TEX9: variants seen among roughly 807,000 people sequenced by gnomAD.
The protein encoded by TEX9 is testis-expressed protein 9.
TEX9 carries 74 observed loss-of-function variants against 59.6 expected under a neutral mutation model. The observed-to-expected ratio is 1.24, with a 90% CI of 1.03 to 1.51. The LOEUF (loss-of-function observed/expected upper bound fraction) is 1.51. TEX9 is among the 40% of genes most tolerant of loss of function. TEX9 has a pLI of 0.00. For missense variants in TEX9, 522 were observed against 447.8 expected (o/e 1.17, Z -1.49); for synonymous variants, 186 against 152.2 (o/e 1.22, Z -1.64).
chr15:56,325,440 A>C (rs1436010079), intron 1 of TEX9, among the ~76,000 whole-genome samples: 1 of 152,164 alleles, frequency 6.6e-6, no homozygotes, highest in Non-Finnish European at 1.5e-5. Flanking sequence ...CAAAGGCATT[A>C]GCAAAACACT....
intron 1 of TEX9, among the ~76,000 whole-genome samples, chr15:56,326,478 C>T (rs1471572570): frequency 1.3e-5 from 2 of 152,082 alleles, no homozygotes; most frequent in Non-Finnish European, 2.9e-5. Flanking sequence ...CCACGTTTTA[C>T]ATAAATAATC....
chr15:56,456,983 C>T, the TEX9 span, among the ~76,000 whole-genome samples: 3 of 152,144 alleles, frequency 2.0e-5, no homozygotes, highest in Non-Finnish European at 4.4e-5. Context: ...TCCTTAATGT[C>T]TAATACCATG....
chr15:56,339,401 A>ACAAAC (rs549851373), intron 1 of TEX9, among the ~76,000 whole-genome samples: 5 of 124,244 alleles, frequency 4.0e-5, no homozygotes, highest in Admixed American at 8.7e-5. Context: ...AAAAAAAAAA[A>ACAAAC]AAAAAAAAAA....
At position 56,324,727 on chromosome 15, in the gene TEX9, G is replaced by A. The variant is rs150457047; in HGVS notation, c.-106-48714G>A. Among the ~76,000 whole-genome samples, 56 of 152,224 alleles carry A rather than the reference G, an allele frequency of 3.7e-4. No individual in the cohort carries two copies. The East Asian group carries it at 9.8e-3, about 27-fold the overall frequency. On this transcript the variant is annotated intron_variant, in intron 1 of 5. Transcript: ENST00000560827. Reference sequence around the variant, plus strand: ...TGTATAGCTACTTAGGATGGATTTTGTGGCCTGGCTTCGGCTAGATGTTTA... The same window carrying A: ...TGTATAGCTACTTAGGATGGATTTTATGGCCTGGCTTCGGCTAGATGTTTA...
chr15:56,344,734 A>G (rs1006297891), intron 1 of TEX9, among the ~76,000 whole-genome samples: 5 of 152,110 alleles, frequency 3.3e-5, no homozygotes, highest in African/African-American at 1.2e-4. Context: ...AAAAAAAATC[A>G]TTAGGAAAAC....
At chr15:56,341,555 C>T (rs1469407944) in intron 1 of TEX9, among the ~76,000 whole-genome samples, 1 of 151,624 alleles carries the variant, frequency 6.6e-6, no homozygotes, top group African/African-American at 2.4e-5. Context: ...CAGAAGCTGA[C>T]ACAGGGATTC....
intron 5 of TEX9, among the ~76,000 whole-genome samples, chr15:56,389,032 G>GT (rs1472471425): frequency 9.2e-5 from 14 of 151,982 alleles, no homozygotes; most frequent in African/African-American, 3.4e-4. Flanking sequence ...ACTAAATTCT[G>GT]TGAGTCAGAA....
intron 4 of TEX9, among the ~76,000 whole-genome samples, 199 bp from the exon 5 acceptor site, chr15:56,388,273 C>G (rs2048051134): frequency 6.6e-6 from 1 of 152,014 alleles, no homozygotes; most frequent in Admixed American, 6.6e-5. Context: ...TGTATCTTCT[C>G]AAAGGTGAAT....
chr15:56,392,285 A>T (rs2048252147), intron 7 of TEX9, among the ~76,000 whole-genome samples: 1 of 152,180 alleles, frequency 6.6e-6, no homozygotes, highest in South Asian at 2.1e-4. Flanking sequence ...TAGGAAGCAT[A>T]GCAGTTTCTG....
upstream of TEX9, among the ~76,000 whole-genome samples, chr15:56,362,818 T>C (rs937973889): frequency 6.6e-6 from 1 of 152,228 alleles, no homozygotes; most frequent in African/African-American, 2.4e-5. Flanking sequence ...TCCTATAGTA[T>C]GTGATCTTTT....
At chr15:56,419,797 C>T (rs1370358670) in intron 10 of TEX9, among the ~76,000 whole-genome samples, 2 of 151,810 alleles carry the variant, frequency 1.3e-5, no homozygotes. Flanking sequence ...ACTTCCAAAT[C>T]ATTCTTCTGG....
chr15:56,386,952 A>T (rs1303109386), intron 4 of TEX9, among the ~76,000 whole-genome samples: 2 of 151,974 alleles, frequency 1.3e-5, no homozygotes, highest in East Asian at 3.8e-4. Flanking sequence ...ATGATATTCC[A>T]CCTAAATAAT....
At chr15:56,403,498 A>T (rs1485741823) in intron 9 of TEX9, among the ~76,000 whole-genome samples, 14 of 152,268 alleles carry the variant, frequency 9.2e-5, no homozygotes, top group African/African-American at 3.4e-4. Flanking sequence ...AAACAAATGG[A>T]AGGACATTCT....
chr15:56,455,247 G>GAA, the TEX9 span, among the ~76,000 whole-genome samples: 237 of 82,824 alleles, frequency 2.9e-3, no homozygotes, highest in Non-Finnish European at 4.0e-3. Flanking sequence ...ATCGTCAGGT[G>GAA]AAAAAAAAAA....
intron 1 of TEX9, among the ~76,000 whole-genome samples, chr15:56,258,904 A>G (rs1223842427): frequency 2.7e-5 from 4 of 149,720 alleles, no homozygotes; most frequent in African/African-American, 4.9e-5. Context: ...ATATATGTGT[A>G]TATATATACA....
rs751659112 is a variant in TEX9 at position 56,365,615 on chromosome 15, G to A, written c.64G>A (p.Val22Ile). The change falls in exon 2 of 13, where the codon GTT becomes ATT. Residue 22 changes from valine to isoleucine, a missense_variant. By Grantham distance (29) the Val-to-Ile change is conservative. Coordinates refer to ENST00000352903, the Ensembl canonical transcript of TEX9. Reference sequence around the variant, plus strand: ...TCCAGGGACTCCGTTCCCGCCACCCGTTCAGCAACCCTCTACACCTGGACC... The same window carrying A: ...TCCAGGGACTCCGTTCCCGCCACCCATTCAGCAACCCTCTACACCTGGACC... 3.1e-6 allele frequency: 5 copies of A among 1,614,184 alleles called. No homozygotes were observed. The South Asian group carries it at 5.5e-5, about 18-fold the overall frequency.
At chr15:56,352,065 A>G (rs1260535397) in intron 1 of TEX9, among the ~76,000 whole-genome samples, 5 of 152,238 alleles carry the variant, frequency 3.3e-5, no homozygotes, top group African/African-American at 1.2e-4. Flanking sequence ...TATCCTTGTA[A>G]GTGAGCTTAA....
At chr15:56,269,963 A>G (rs2044486450) in intron 1 of TEX9, among the ~76,000 whole-genome samples, 2 of 151,936 alleles carry the variant, frequency 1.3e-5, no homozygotes, top group African/African-American at 2.4e-5. Context: ...GCCCTGAGTG[A>G]GTTTCTTAAT....
At chr15:56,403,063 G>GAAA in intron 9 of TEX9, among the ~76,000 whole-genome samples, 1 of 152,320 alleles carries the variant, frequency 6.6e-6, no homozygotes, top group Non-Finnish European at 1.5e-5. Context: ...CATTCCCTTT[G>GAAA]AAAACTGGCA....
Sources: allele counts gnomAD v4.1 joint callset (sites outside exome capture counted in the v4.1 genomes callset), GRCh38; gene constraint gnomAD v4.1.1; transcripts MANE v1.5; gene names NCBI Gene and HGNC (gene_info 2026-07-23, HGNC 2026-07-21).